TNKS: variants seen among roughly 807,000 people sequenced by gnomAD.
TNKS encodes poly [ADP-ribose] polymerase tankyrase-1.
In TNKS, 72 loss-of-function variants were observed where a neutral mutation model predicts 135.8. That is an observed-to-expected ratio of 0.53 (90% CI 0.44 to 0.64). TNKS has a LOEUF of 0.64. Ranked by LOEUF, TNKS falls within the 30% of genes least tolerant of loss-of-function variation. TNKS has a pLI of 0.00. For synonymous variants in TNKS, 849 were observed against 649.3 expected, an observed-to-expected ratio of 1.31 and a Z score of -4.68; for missense variants, 1,769 against 1,674.0, an observed-to-expected ratio of 1.06 and a Z score of -0.99.
At chr8:9,674,717 T>C (rs1802462541) in intron 3 of TNKS, among the ~76,000 whole-genome samples, 1 of 152,160 alleles carries the variant, frequency 6.6e-6, no homozygotes, top group Admixed American at 6.5e-5. Context: ...GTAGAGATTA[T>C]GTTGGTACTA....
chr8:9,655,124 C>T lies in TNKS; in HGVS notation c.995-24827C>T, dbSNP rs558827524. On this transcript the variant is annotated intron_variant, in intron 3 of 26. Transcript: ENST00000310430. ...TGCACCTGGCTTGGAGGATCCTACG[C>T]CCATGGAGCCTCACTCATTGCTAGC... 2.2e-4 allele frequency among the ~76,000 whole-genome samples: 34 copies of T among 152,330 alleles called. 2 individuals are homozygous for T. In the South Asian group the frequency reaches 7.1e-3, roughly 32 times the overall value.
At chr8:9,576,353 A>G (rs991541062) in intron 1 of TNKS, among the ~76,000 whole-genome samples, 14 of 152,016 alleles carry the variant, frequency 9.2e-5, no homozygotes, top group African/African-American at 2.9e-4. Flanking sequence ...TACAGGAAAC[A>G]TGGGTGGGAG....
chr8:9,653,998 T>G (rs1196937798), intron 3 of TNKS, among the ~76,000 whole-genome samples: 1 of 152,202 alleles, frequency 6.6e-6, no homozygotes, highest in African/African-American at 2.4e-5. Context: ...AATATGGCCA[T>G]TAGCAGCTCT....
chr8:9,616,736 A>G (rs1286384785), intron 3 of TNKS, among the ~76,000 whole-genome samples: 1 of 152,216 alleles, frequency 6.6e-6, no homozygotes, highest in African/African-American at 2.4e-5. Flanking sequence ...GACTTTTCTC[A>G]ATCAAAGATT....
rs1477260487 is a variant in TNKS, at chr8:9,575,458, A to G, written c.674-4701A>G. The stretch of plus-strand genomic sequence containing the variant: ...TTATTCTAAAGTTATACTAACAAAT[A>G]GACAAACTGACCAACCAAAAAGAAA... On this transcript the variant is annotated intron_variant, in intron 1 of 26. Coordinates refer to ENST00000310430, the MANE Select transcript of TNKS (RefSeq NM_003747.3). The G allele has an allele frequency of 4.5e-5, 44 of 980,234 alleles. 1 individual carries two copies. The highest frequency in any genetic ancestry group is 5.2e-5 in the Non-Finnish European group (43 of 825,346). 60.7% of individuals were successfully genotyped at this position (980,234 alleles called of 1,614,324 possible).
chr8:9,607,588 T>C (rs746920447), intron 2 of TNKS, among the ~76,000 whole-genome samples: 7 of 152,234 alleles, frequency 4.6e-5, no homozygotes, highest in African/African-American at 7.2e-5. Flanking sequence ...CCTATGTACC[T>C]ATGTATGATT....
intron 11 of TNKS, among the ~76,000 whole-genome samples, chr8:9,717,473 T>G (rs1393409792): frequency 6.6e-6 from 1 of 152,118 alleles, no homozygotes; most frequent in Non-Finnish European, 1.5e-5. Flanking sequence ...TTTACCCTTC[T>G]CCCTCAATTT....
At chr8:9,584,347 G>C (rs1304613905) in intron 2 of TNKS, among the ~76,000 whole-genome samples, 1 of 152,094 alleles carries the variant, frequency 6.6e-6, no homozygotes, top group East Asian at 1.9e-4. Flanking sequence ...CTTCTTTGCA[G>C]TCAGGGATTG....
chr8:9,701,438 A>G (rs185745864), intron 5 of TNKS, among the ~76,000 whole-genome samples: 448 of 152,304 alleles, frequency 2.9e-3, no homozygotes, highest in Non-Finnish European at 4.8e-3. Context: ...AATATTAGCT[A>G]TGTGCTATAC....
chr8:9,755,490 A>G (rs1806789436), intron 20 of TNKS, among the ~76,000 whole-genome samples: 1 of 152,196 alleles, frequency 6.6e-6, no homozygotes, highest in Admixed American at 6.5e-5. Flanking sequence ...GTCTGGCCCA[A>G]TCATCAAGCA....
At chr8:9,576,699 G>C (rs984601751) in intron 1 of TNKS, among the ~76,000 whole-genome samples, 4 of 151,992 alleles carry the variant, frequency 2.6e-5, no homozygotes, top group Non-Finnish European at 4.4e-5. Flanking sequence ...TTCAACACAT[G>C]GGGATTCCAA....
intron 26 of TNKS, among the ~76,000 whole-genome samples, chr8:9,770,634 A>G (rs1807773512): frequency 6.6e-6 from 1 of 152,238 alleles, no homozygotes; most frequent in African/African-American, 2.4e-5. Flanking sequence ...GGATTTGTCC[A>G]AAAACAAAAA....
chr8:9,776,961 CAT>C lies in TNKS; in HGVS notation c.*228_*229del. On this transcript the variant is annotated 3_prime_UTR_variant, in exon 27 of 27. Transcript: ENST00000310430. ...AATGTTTACAGGGGCGGCCTTTTAA[CAT>C]ATCTCAGGCTCATTTTCATTGCAAT... 1 of 484,720 alleles carries C rather than the reference CAT, an allele frequency of 2.1e-6. No homozygotes were observed. 30.0% of individuals were successfully genotyped at this position (484,720 alleles called of 1,614,324 possible). A position where few individuals can be genotyped will look rare whatever the true frequency, so the allele number is the denominator to read the frequency against.
intron 3 of TNKS, 26 bp from the exon 4 acceptor site, chr8:9,679,925 C>A: frequency 6.2e-7 from 1 of 1,600,396 alleles, no homozygotes; most frequent in Non-Finnish European, 8.6e-7. Context: ...CAAATGCTAA[C>A]AGCATGATAT....
At chr8:9,707,021 A>G in intron 8 of TNKS, 24 bp downstream of exon 8, 1 of 1,529,208 alleles carries the variant, frequency 6.5e-7, no homozygotes, top group Non-Finnish European at 8.8e-7. Context: ...TCCCGAAATC[A>G]TTATCGCATA....
At chr8:9,605,853 T>C (rs1019025063) in intron 2 of TNKS, among the ~76,000 whole-genome samples, 1 of 152,082 alleles carries the variant, frequency 6.6e-6, no homozygotes, top group Admixed American at 6.5e-5. Flanking sequence ...TTTTTTGTCT[T>C]ACATATGTGT....
intron 5 of TNKS, among the ~76,000 whole-genome samples, chr8:9,700,760 A>G (rs1803760615): frequency 6.6e-6 from 1 of 151,882 alleles, no homozygotes; most frequent in Non-Finnish European, 1.5e-5. Context: ...CCATTTTTTC[A>G]CCGACTTCCT....
At position 9,778,849 on chromosome 8, in the gene TNKS, GAT is replaced by G. The variant is rs1186980698; in HGVS notation, c.*2116_*2117del. 6.6e-6 allele frequency: 1 copy of G among 152,184 alleles called. No homozygotes were observed. Among genetic ancestry groups the G allele is most frequent in the Non-Finnish European group, 1.5e-5 (1 of 68,038 alleles). 9.4% of individuals were successfully genotyped at this position (152,184 alleles called of 1,614,324 possible). A position where few individuals can be genotyped will look rare whatever the true frequency, so the allele number is the denominator to read the frequency against. ...TAAGTAAAAGAGTTAATATGATATA[GAT>G]ATGGAAAGCTTTATGGCTTCATTAA... is the stretch of plus-strand genomic sequence containing the variant. On this transcript the variant is annotated 3_prime_UTR_variant, in exon 27 of 27. Coordinates refer to ENST00000310430, the MANE Select transcript of TNKS (RefSeq NM_003747.3).
At chr8:9,598,456 T>C (rs1798875812) in intron 2 of TNKS, among the ~76,000 whole-genome samples, 1 of 152,050 alleles carries the variant, frequency 6.6e-6, no homozygotes, top group Admixed American at 6.6e-5. Context: ...GTTTTAAATA[T>C]GTAAGTTTAA....
Sources: gnomAD v4.1 joint callset for allele counts (sites outside exome capture counted in the v4.1 genomes callset) on GRCh38, gnomAD v4.1.1 for gene constraint, MANE v1.5 for transcripts, NCBI Gene and HGNC (gene_info 2026-07-23, HGNC 2026-07-21) for gene names.